Variants in KIAA1217 observed in about 807,000 individuals in gnomAD.
KIAA1217 encodes KIAA1217.
KIAA1217 carries 88 observed loss-of-function variants against 163.9 expected under a neutral mutation model. The observed-to-expected ratio is 0.54, with a 90% CI of 0.45 to 0.64. KIAA1217 has a LOEUF of 0.64. Ranked by LOEUF, KIAA1217 falls within the 30% of genes least tolerant of loss-of-function variation. The pLI is 0.00. For missense variants in KIAA1217, 2,372 were observed against 2,475.0 expected (o/e 0.96, Z 0.88); for synonymous variants, 903 against 923.1 (o/e 0.98, Z 0.39).
intron 3 of KIAA1217, among the ~76,000 whole-genome samples, chr10:24,384,535 G>A (rs2053754214): frequency 1.3e-5 from 2 of 152,124 alleles, no homozygotes; most frequent in African/African-American, 4.8e-5. Flanking sequence ...TTTGGACAAA[G>A]AGGCTGTCAA....
chr10:23,899,206 T>C (rs1841848635), intron 1 of KIAA1217, among the ~76,000 whole-genome samples: 1 of 152,126 alleles, frequency 6.6e-6, no homozygotes, highest in African/African-American at 2.4e-5. Flanking sequence ...CCTAGAAAAC[T>C]GCTGAACAAT....
intron 1 of KIAA1217, among the ~76,000 whole-genome samples, chr10:23,769,967 C>A (rs965426939): frequency 6.6e-6 from 1 of 152,176 alleles, no homozygotes; most frequent in Admixed American, 6.5e-5. Flanking sequence ...CCTTTTAACT[C>A]ATAATTAATT....
chr10:24,338,726 A>T (rs1389974173), intron 2 of KIAA1217, among the ~76,000 whole-genome samples: 1 of 152,202 alleles, frequency 6.6e-6, no homozygotes, highest in Non-Finnish European at 1.5e-5. Flanking sequence ...TCCTTTTCAA[A>T]TATTGTCAAT....
intron 6 of KIAA1217, among the ~76,000 whole-genome samples, chr10:24,479,980 C>T (rs2064468797): frequency 6.6e-6 from 1 of 152,226 alleles, no homozygotes; most frequent in Admixed American, 6.5e-5. Flanking sequence ...CCCCACCTCC[C>T]AGCACTGCCA....
intron 5 of KIAA1217, among the ~76,000 whole-genome samples, chr10:24,442,157 T>C (rs899111217): frequency 5.9e-5 from 9 of 152,192 alleles, no homozygotes; most frequent in African/African-American, 2.2e-4. Flanking sequence ...CCAAGGTAAC[T>C]GCTGCCTCCC....
At chr10:23,963,687 CCA>C (rs1679280554) in intron 1 of KIAA1217, among the ~76,000 whole-genome samples, 2 of 152,094 alleles carry the variant, frequency 1.3e-5, no homozygotes, top group Admixed American at 6.5e-5. Context: ...TGAGGAATTG[CCA>C]CAGTGTCTTC....
At chr10:24,378,072 AT>A (rs1198045273) in intron 2 of KIAA1217, among the ~76,000 whole-genome samples, 1 of 151,650 alleles carries the variant, frequency 6.6e-6, no homozygotes, top group Admixed American at 6.6e-5. Context: ...GATTCGCTTT[AT>A]TTTTTTTCTC....
At chr10:24,346,471 C>CA (rs1359966006) in intron 2 of KIAA1217, among the ~76,000 whole-genome samples, 1 of 149,290 alleles carries the variant, frequency 6.7e-6, no homozygotes, top group African/African-American at 2.5e-5. Flanking sequence ...GACTCCGTCT[C>CA]AAAAAATAAT....
chr10:24,003,960 C>CT (rs1564603184), intron 1 of KIAA1217, among the ~76,000 whole-genome samples: 1 of 151,968 alleles, frequency 6.6e-6, no homozygotes, highest in Non-Finnish European at 1.5e-5. Flanking sequence ...TTTCAGAGAC[C>CT]TTTTTTTATT....
At chr10:24,449,449 T>G in intron 5 of KIAA1217, 1 of 985,356 alleles carries the variant, frequency 1.0e-6, no homozygotes, top group Non-Finnish European at 1.2e-6. Flanking sequence ...GGAAGAAACA[T>G]TTCTCGTTAG....
chr10:23,867,010 G>A (rs1268195742), intron 1 of KIAA1217, among the ~76,000 whole-genome samples: 29 of 69,008 alleles, frequency 4.2e-4, no homozygotes, highest in Admixed American at 1.9e-3. Flanking sequence ...TCCCCCCACC[G>A]CACAACAGTC....
intron 9 of KIAA1217, among the ~76,000 whole-genome samples, chr10:24,502,864 C>A (rs1556402): frequency 6.6e-6 from 1 of 151,870 alleles, no homozygotes; most frequent in Non-Finnish European, 1.5e-5. Context: ...GGGTGTGCCT[C>A]TAGTCCCAGC....
At chr10:23,977,489 A>G (rs1043817332) in intron 1 of KIAA1217, among the ~76,000 whole-genome samples, 4 of 152,148 alleles carry the variant, frequency 2.6e-5, no homozygotes, top group Admixed American at 6.6e-5. Flanking sequence ...TCTTTCTGTC[A>G]CACTTTCATG....
At chr10:23,980,301 C>G (rs1235566447) in intron 1 of KIAA1217, among the ~76,000 whole-genome samples, 1 of 152,142 alleles carries the variant, frequency 6.6e-6, no homozygotes, top group Non-Finnish European at 1.5e-5. Context: ...GGTGACTGAT[C>G]AAACAAATGT....
chr10:24,031,292 G>T (rs919713150), intron 2 of KIAA1217, among the ~76,000 whole-genome samples: 2 of 151,972 alleles, frequency 1.3e-5, no homozygotes, highest in African/African-American at 2.4e-5. Context: ...GATTAGTGAC[G>T]CTGAGCATTC....
chr10:24,402,433 C>T (rs557759767), intron 3 of KIAA1217, among the ~76,000 whole-genome samples: 171 of 149,466 alleles, frequency 1.1e-3, no homozygotes, highest in African/African-American at 4.1e-3. Context: ...GGCGTGAACC[C>T]GGGAGGCGGA....
chr10:24,208,908 A>C (rs1589914846), upstream of KIAA1217: 12 of 231,160 alleles, frequency 5.2e-5, no homozygotes, highest in South Asian at 1.4e-4. Context: ...GGCAGAGCCC[A>C]GCCCCCAGTC....
At chr10:24,545,265 C>CT (rs1440583104) in intron 20 of KIAA1217, 162 bp downstream of exon 20, 6 of 1,423,620 alleles carry the variant, frequency 4.2e-6, no homozygotes, top group Middle Eastern at 2.0e-4. Flanking sequence ...CTTTGTTACA[C>CT]TTTTTTACCA....
At chr10:24,539,070 A>G (rs544177637) in intron 17 of KIAA1217, among the ~76,000 whole-genome samples, 1 of 151,944 alleles carries the variant, frequency 6.6e-6, no homozygotes, top group South Asian at 2.1e-4. Flanking sequence ...GAATTTCCTT[A>G]TGAGGGCTTA....
Sources: allele counts gnomAD v4.1 joint callset (sites outside exome capture counted in the v4.1 genomes callset), GRCh38; gene constraint gnomAD v4.1.1; transcripts MANE v1.5; gene names NCBI Gene and HGNC (gene_info 2026-07-23, HGNC 2026-07-21).